ADAMTS18: variants seen among roughly 807,000 people sequenced by gnomAD.
ADAMTS18 encodes the protein ADAM metallopeptidase with thrombospondin type 1 motif 18.
ADAMTS18 carries 157 observed loss-of-function variants against 165.9 expected under a neutral mutation model. The observed-to-expected ratio is 0.95, with a 90% CI of 0.83 to 1.08. The LOEUF (loss-of-function observed/expected upper bound fraction) is 1.08. Ranked by LOEUF, ADAMTS18 falls within the 50% of genes least tolerant of loss-of-function variation. The pLI, the probability that ADAMTS18 is intolerant of heterozygous loss-of-function variation, is 0.00. For missense variants in ADAMTS18, 2,040 were observed against 1,534.0 expected (o/e 1.33, Z -5.51); for synonymous variants, 782 against 578.2 (o/e 1.35, Z -5.06).
At chr16:77,400,424 TTGTGTGTGTGTG>T (rs145473637) in intron 3 of ADAMTS18, among the ~76,000 whole-genome samples, 8 of 136,032 alleles carry the variant, frequency 5.9e-5, no homozygotes, top group Admixed American at 7.4e-5. Flanking sequence ...TCAGGGGGAA[TTGTGTGTGTGTG>T]TGTGTGTGTG....
intron 11 of ADAMTS18, among the ~76,000 whole-genome samples, chr16:77,338,442 G>T (rs1278123994): frequency 1.3e-4 from 20 of 151,676 alleles, no homozygotes; most frequent in Admixed American, 1.2e-3. Flanking sequence ...TCACCATGTT[G>T]ACCAGTGTAG....
At position 77,289,279 on chromosome 16, in the gene ADAMTS18, C is replaced by G. The variant is rs747006089; in HGVS notation, c.3535G>C (p.Ala1179Pro). ...GCCTTTTTACCTCTCTTTTCAGGAG[C>G]TGGACAGAAGTTTGTATTACAGGCT... ...LRACNTNFCPAPEKREDPSCV... is the reference protein window; with the variant it reads ...LRACNTNFCPPPEKREDPSCV... The change falls in exon 22 of 23, where the codon GCT becomes CCT. Residue 1179 changes from alanine (A) to proline (P), a missense_variant. Ala to Pro is a conservative substitution (Grantham distance 27). Coordinates refer to ENST00000282849, the MANE Select transcript of ADAMTS18 (RefSeq NM_199355.4). The G allele has an allele frequency of 6.2e-7, 1 of 1,614,128 alleles. No homozygotes were observed. Among genetic ancestry groups the G allele is most frequent in the South Asian group, 1.1e-5 (1 of 91,078 alleles).
intron 3 of ADAMTS18, among the ~76,000 whole-genome samples, chr16:77,373,792 C>T (rs549354477): frequency 3.3e-4 from 51 of 152,300 alleles, no homozygotes; most frequent in African/African-American, 1.2e-3. Flanking sequence ...GGCTTTATGT[C>T]TATCTTCAAT....
At chr16:77,331,034 T>C (rs1342260318) in intron 12 of ADAMTS18, among the ~76,000 whole-genome samples, 1 of 152,216 alleles carries the variant, frequency 6.6e-6, no homozygotes, top group Non-Finnish European at 1.5e-5. Flanking sequence ...TATTTATGGC[T>C]TCATGCAGAG....
chr16:77,342,729 G>A (rs1269821002), intron 10 of ADAMTS18, among the ~76,000 whole-genome samples: 1 of 152,138 alleles, frequency 6.6e-6, no homozygotes, highest in East Asian at 1.9e-4. Context: ...TACTAATCCT[G>A]GGATCCTGTG....
At chr16:77,367,338 G>A (rs938602332) in intron 4 of ADAMTS18, 103 bp downstream of exon 4, 23 of 1,299,020 alleles carry the variant, frequency 1.8e-5, no homozygotes, top group Non-Finnish European at 2.4e-5. Flanking sequence ...AGATGCTCAG[G>A]GTAGCCCCAT....
intron 10 of ADAMTS18, among the ~76,000 whole-genome samples, chr16:77,352,617 A>T (rs2056571585): frequency 6.6e-6 from 1 of 152,082 alleles, no homozygotes; most frequent in Non-Finnish European, 1.5e-5. Flanking sequence ...GATGATAGTA[A>T]ATGGTGATAG....
At position 77,322,355 on chromosome 16, in the gene ADAMTS18, CA is replaced by C; in HGVS notation, c.2143del (p.Cys715ValfsTer8). ...TCTTACTTCACAAACCCCGTCAATA[CA>C]AACATCATTTTTGTTTGGGGAGCAG... ...TPCSPNKNDV[C>X]IDGVCELVGC... is the part of the protein sequence containing the mutation. On this transcript the variant is annotated frameshift_variant, in exon 14 of 23. Coordinates refer to ENST00000282849, the MANE Select transcript of ADAMTS18 (RefSeq NM_199355.4). LOFTEE classifies it high-confidence loss of function. 1 of 1,613,908 alleles carries C rather than the reference CA, an allele frequency of 6.2e-7. No homozygotes were observed. The highest frequency in any genetic ancestry group is 8.5e-7 in the Non-Finnish European group (1 of 1,179,926).
In ADAMTS18 at chr16:77,363,794, C is replaced by T. The variant is rs376893933; in HGVS notation, c.1056+8G>A. 5.6e-6 allele frequency: 9 copies of T among 1,612,710 alleles called. No homozygotes were observed. Among genetic ancestry groups the T allele is most frequent in the Non-Finnish European group, 7.6e-6 (9 of 1,179,048 alleles). ...TGAATGAAGACATAAATGAAGTTTG[C>T]CACTTACAGGTTCTTGTTCCAGAAG... On this transcript the variant is annotated splice_region_variant and intron_variant, in intron 6 of 22. Transcript: ENST00000282849.
rs548508467 is a variant in ADAMTS18 at position 77,297,164 on chromosome 16, G to C, written c.2801+125C>G. 42 of 1,381,772 alleles carry C rather than the reference G, an allele frequency of 3.0e-5. 2 individuals carry two copies. In the African/African-American group the frequency reaches 5.1e-4, roughly 17 times the overall value. 85.6% of individuals were successfully genotyped at this position (1,381,772 alleles called of 1,614,324 possible). ...TCATCATCTTCTATTACTTTTTAAAGTATTGCGTCTACCTTTGAATCACTT... is the reference window on the plus strand; with the variant it reads ...TCATCATCTTCTATTACTTTTTAAACTATTGCGTCTACCTTTGAATCACTT... On this transcript the variant is annotated intron_variant, in intron 18 of 22. Transcript: ENST00000282849.
In ADAMTS18 at chr16:77,300,294, C is replaced by G; in HGVS notation, c.2643G>C (p.Val881=). The G allele has an allele frequency of 1.2e-6, 2 of 1,614,076 alleles. No homozygotes were observed. The highest frequency in any genetic ancestry group is 1.7e-6 in the Non-Finnish European group (2 of 1,179,982). The change falls in exon 17 of 23, where the codon GTG becomes GTC. Residue 881 remains valine (V), a synonymous_variant. Transcript: ENST00000282849. ...TKRPAYTWSI[V]QSECSVSCGG... ...CACAGGAGACGGAGCACTCTGACTG[C>G]ACGATACTCCAGGTATAGGCAGGTC...
intron 12 of ADAMTS18, among the ~76,000 whole-genome samples, chr16:77,334,781 ATACAGTAAATATAC>A (rs2056273777): frequency 9.7e-6 from 1 of 103,576 alleles, no homozygotes; most frequent in South Asian, 2.9e-4. Flanking sequence ...ATACTATAGT[ATACAGTAAATATAC>A]TATATACTAT....
chr16:77,376,809 CTTT>C (rs549942617), intron 3 of ADAMTS18, among the ~76,000 whole-genome samples: 3,152 of 103,440 alleles, frequency 0.03, 55 homozygotes, highest in African/African-American at 0.1. Flanking sequence ...CTAAATCATT[CTTT>C]TTTTTTTTTT....
intron 3 of ADAMTS18, among the ~76,000 whole-genome samples, chr16:77,382,782 C>G (rs887210499): frequency 1.3e-5 from 2 of 152,192 alleles, no homozygotes; most frequent in Non-Finnish European, 2.9e-5. Flanking sequence ...GGAAACCAGA[C>G]TTTCCATGAA....
intron 10 of ADAMTS18, among the ~76,000 whole-genome samples, chr16:77,344,846 C>A (rs565857253): frequency 4.9e-4 from 74 of 152,232 alleles, no homozygotes; most frequent in African/African-American, 1.6e-3. Flanking sequence ...TTATAGCCAA[C>A]TACATACTCT....
chr16:77,329,821 TTAA>T (rs2056158638), intron 12 of ADAMTS18, among the ~76,000 whole-genome samples: 1 of 152,154 alleles, frequency 6.6e-6, no homozygotes, highest in Non-Finnish European at 1.5e-5. Flanking sequence ...AAGAAGTTGT[TTAA>T]TATTAAAAAG....
intron 11 of ADAMTS18, among the ~76,000 whole-genome samples, chr16:77,340,767 C>T (rs766768810): frequency 4.6e-5 from 7 of 151,970 alleles, no homozygotes; most frequent in Non-Finnish European, 4.4e-5. Context: ...GAGATAGGGT[C>T]TCGCTGTGTT....
At chr16:77,383,216 G>A (rs75020824) in intron 3 of ADAMTS18, among the ~76,000 whole-genome samples, 1 of 152,028 alleles carries the variant, frequency 6.6e-6, no homozygotes, top group Non-Finnish European at 1.5e-5. Context: ...TTGCTCCAGA[G>A]TTGTTTTTTC....
rs527305555 is a variant in ADAMTS18, at chr16:77,348,922, G to A, written c.1614+4811C>T. Among the ~76,000 whole-genome samples the A allele has an allele frequency of 2.0e-5, 3 of 152,184 alleles. No homozygotes were observed. The South Asian group carries it at 6.2e-4, about 32-fold the overall frequency. ...CACTGGGTGGCCACACAGCATACTA[G>A]AATAACAAACATATACAAAGGCTTG... is the stretch of plus-strand genomic sequence containing the variant. On this transcript the variant is annotated intron_variant, in intron 10 of 22. Coordinates refer to ENST00000282849, the MANE Select transcript of ADAMTS18 (RefSeq NM_199355.4).
Sources: gnomAD v4.1 joint callset for allele counts (sites outside exome capture counted in the v4.1 genomes callset) on GRCh38, gnomAD v4.1.1 for gene constraint, MANE v1.5 for transcripts, NCBI Gene and HGNC (gene_info 2026-07-23, HGNC 2026-07-21) for gene names.